The following TSG101 variants were observed in gnomAD, a reference collection of about 807,000 sequenced individuals.
TSG101 encodes tumor susceptibility 101, also known as tumor susceptibility gene 101 protein.
TSG101 carries 19 observed loss-of-function variants against 48.5 expected under a neutral mutation model. The ratio of observed to expected loss-of-function variants is 0.39; its 90% CI spans 0.27 to 0.58. The LOEUF is 0.58. Ranked by LOEUF, TSG101 falls within the 20% of genes least tolerant of loss-of-function variation. TSG101 has a pLI of 0.55. For missense variants in TSG101, 365 were observed against 484.4 expected, an observed-to-expected ratio of 0.75 and a Z score of 2.31; for synonymous variants, 174 against 169.4, an observed-to-expected ratio of 1.03 and a Z score of -0.21.
Position 18,506,926 on chromosome 11 carries a change from A to T in TSG101, c.482-3T>A. The T allele has an allele frequency of 6.2e-7, 1 of 1,605,362 alleles. No homozygotes were observed. The highest frequency in any genetic ancestry group is 8.5e-7 in the Non-Finnish European group (1 of 1,174,600). On this transcript the variant is annotated splice_region_variant and splice_polypyrimidine_tract_variant and intron_variant, in intron 5 of 9. Transcript: ENST00000251968. ...TGGCATGCCTGGCATGTAGGAAGCT[A>T]AAAACAATTTTTTTCACATTGTAAA...
intron 7 of TSG101, among the ~76,000 whole-genome samples, chr11:18,485,444 C>T (rs1396499382): frequency 6.6e-6 from 1 of 152,092 alleles, no homozygotes; most frequent in Non-Finnish European, 1.5e-5. Flanking sequence ...TTAAGGGTGG[C>T]AAACTGTTGC....
chr11:18,525,118 A>G (rs1850346626), intron 1 of TSG101, among the ~76,000 whole-genome samples: 1 of 152,052 alleles, frequency 6.6e-6, no homozygotes, highest in African/African-American at 2.4e-5. Context: ...CATGTTGATC[A>G]GGCTGGTCTT....
chr11:18,497,926 C>T (rs895588686), intron 7 of TSG101, among the ~76,000 whole-genome samples: 3 of 152,166 alleles, frequency 2.0e-5, no homozygotes, highest in Admixed American at 6.5e-5. Flanking sequence ...ATGACATTTA[C>T]ATCAGACCTC....
At position 18,502,566 on chromosome 11, in the gene TSG101, C is replaced by A; in HGVS notation, c.560G>T (p.Gly187Val). ...GYPPNPSGYPGCPYPPGGPYP... is the reference protein window; with the variant it reads ...GYPPNPSGYPVCPYPPGGPYP... ...TGGACCACCAGGTGGGTAAGGACAG[C>A]CTGGGTAACCACTAAAGACAAGAAC... is the stretch of plus-strand genomic sequence containing the variant. The change falls in exon 7 of 10, where the codon GGC becomes GTC. Residue 187 changes from glycine to valine, a missense_variant. Transcript: ENST00000251968. 6.2e-7 allele frequency: 1 copy of A among 1,611,726 alleles called. No homozygotes were observed. The highest frequency in any genetic ancestry group is 1.7e-5 in the Admixed American group (1 of 59,766).
At chr11:18,520,269 G>C (rs1565095683) in intron 1 of TSG101, among the ~76,000 whole-genome samples, 1 of 152,178 alleles carries the variant, frequency 6.6e-6, no homozygotes, top group South Asian at 2.1e-4. Context: ...TGTCGCCCAG[G>C]ATGAAGTAGA....
chr11:18,482,279 CAT>C (rs1159363389), intron 8 of TSG101, among the ~76,000 whole-genome samples: 1 of 152,212 alleles, frequency 6.6e-6, no homozygotes, highest in Non-Finnish European at 1.5e-5. Flanking sequence ...GGATTCAATG[CAT>C]AGAGGCCCAA....
intron 6 of TSG101, among the ~76,000 whole-genome samples, chr11:18,504,311 G>A (rs1248828723): frequency 6.7e-6 from 1 of 149,290 alleles, no homozygotes; most frequent in Non-Finnish European, 1.5e-5. Context: ...TCTCCTATTT[G>A]TATTATCAGC....
At chr11:18,510,725 C>T (rs1265352586) in intron 4 of TSG101, among the ~76,000 whole-genome samples, 1 of 151,938 alleles carries the variant, frequency 6.6e-6, no homozygotes, top group Non-Finnish European at 1.5e-5. Flanking sequence ...ATTTTGTAAT[C>T]CAGCTTGAGC....
At chr11:18,505,430 T>C (rs1463513145) in intron 6 of TSG101, among the ~76,000 whole-genome samples, 1 of 151,936 alleles carries the variant, frequency 6.6e-6, no homozygotes, top group Non-Finnish European at 1.5e-5. Context: ...TAATTTTAAT[T>C]TTTTTTGTAG....
chr11:18,509,675 GA>G lies in TSG101; in HGVS notation c.358-11del, dbSNP rs767364164. ...ACAAGTCTGACTGTGGCTACAAAAT[GA>G]AAAAAAATTCAAGTCAGCTACAGAG... On this transcript the variant is annotated splice_polypyrimidine_tract_variant and intron_variant, in intron 4 of 9. Coordinates refer to ENST00000251968, the MANE Select transcript of TSG101 (RefSeq NM_006292.4). 28 of 1,561,608 alleles carry G rather than the reference GA, an allele frequency of 1.8e-5. No homozygotes were observed. Among genetic ancestry groups the G allele is most frequent in the South Asian group, 4.9e-5 (4 of 82,176 alleles).
rs1222959193 is a variant in TSG101 at position 18,480,430 on chromosome 11, T to G, written c.*116A>C. 4.0e-6 allele frequency: 3 copies of G among 752,598 alleles called. No individual in the cohort carries two copies. Among genetic ancestry groups the G allele is most frequent in the Non-Finnish European group, 6.3e-6 (3 of 478,472 alleles). The allele number at this position is 752,598 out of a possible 1,614,324, so 46.6% of individuals were successfully genotyped here. A position where few individuals can be genotyped will look rare whatever the true frequency, so the allele number is the denominator to read the frequency against. ...AGAAAACAGAAAATATATTATTGAT[T>G]CAAAATATTTTACACTTGAATGATA... On this transcript the variant is annotated 3_prime_UTR_variant, in exon 10 of 10. Coordinates refer to ENST00000251968, the MANE Select transcript of TSG101 (RefSeq NM_006292.4).
chr11:18,500,998 G>A (rs1330888760), intron 7 of TSG101, among the ~76,000 whole-genome samples: 1 of 152,044 alleles, frequency 6.6e-6, no homozygotes, highest in African/African-American at 2.4e-5. Flanking sequence ...AGGAGAGACG[G>A]GGTTTTACCA....
chr11:18,507,923 G>C (rs190988204), intron 5 of TSG101: 2 of 151,900 alleles, frequency 1.3e-5, no homozygotes, highest in Non-Finnish European at 2.9e-5. Flanking sequence ...GTGAAACCCC[G>C]ACTCTACTAA....
intron 1 of TSG101, among the ~76,000 whole-genome samples, chr11:18,526,546 T>C (rs997728512): frequency 6.6e-6 from 1 of 152,264 alleles, no homozygotes; most frequent in Non-Finnish European, 1.5e-5. Flanking sequence ...TAGCCTCCGC[T>C]CCACGCCTTT....
chr11:18,494,850 G>A (rs575920520), intron 7 of TSG101, among the ~76,000 whole-genome samples: 1 of 152,262 alleles, frequency 6.6e-6, no homozygotes, highest in African/African-American at 2.4e-5. Flanking sequence ...GGGAAGAACA[G>A]CATTGGATAA....
At position 18,480,503 on chromosome 11, in the gene TSG101, A is replaced by C; in HGVS notation, c.*43T>G. 6.6e-7 allele frequency: 1 copy of C among 1,510,922 alleles called. No individual in the cohort carries two copies. 93.6% of individuals were successfully genotyped at this position (1,510,922 alleles called of 1,614,324 possible). ...CACCTACTGATAAAAGGAAGAGAAG[A>C]ATACTTTAAGAAGAGCTCAACCTCC... On this transcript the variant is annotated 3_prime_UTR_variant, in exon 10 of 10. Transcript: ENST00000251968.
At chr11:18,514,884 T>C in intron 3 of TSG101, 43 bp from the exon 4 acceptor site, 1 of 1,490,912 alleles carries the variant, frequency 6.7e-7, no homozygotes, top group South Asian at 1.4e-5. Context: ...TTTTTATTAT[T>C]TTTAAATTGA....
intron 2 of TSG101, 134 bp from the exon 3 acceptor site, chr11:18,516,298 G>A (rs960337300): frequency 9.7e-5 from 64 of 656,832 alleles, no homozygotes; most frequent in Non-Finnish European, 1.6e-4. Flanking sequence ...CATCCATCCT[G>A]TCCAATAACT....
chr11:18,505,544 T>C (rs374865209), intron 6 of TSG101, among the ~76,000 whole-genome samples: 55 of 152,180 alleles, frequency 3.6e-4, no homozygotes, highest in African/African-American at 9.9e-4. Flanking sequence ...AGTTAGCCCA[T>C]AGACCACCTT....
Sources: allele counts gnomAD v4.1 joint callset (sites outside exome capture counted in the v4.1 genomes callset), GRCh38; gene constraint gnomAD v4.1.1; transcripts MANE v1.5; gene names NCBI Gene and HGNC (gene_info 2026-07-23, HGNC 2026-07-21).